Variants in TENM3 observed in about 807,000 individuals in gnomAD.
TENM3 encodes teneurin transmembrane protein 3.
A neutral mutation model predicts 255.1 loss-of-function variants in TENM3; 63 were observed. That is an observed-to-expected ratio of 0.25 (90% CI 0.20 to 0.30). TENM3 has a LOEUF of 0.30. Ranked by LOEUF, TENM3 falls within the 10% of genes least tolerant of loss-of-function variation. The pLI, the probability that TENM3 is intolerant of heterozygous loss-of-function variation, is 1.00. For synonymous variants in TENM3, 1,306 were observed against 1,322.3 expected, an observed-to-expected ratio of 0.99 and a Z score of 0.27; for missense variants, 2,929 against 3,461.1, an observed-to-expected ratio of 0.85 and a Z score of 3.86.
upstream of TENM3, among the ~76,000 whole-genome samples, chr4:182,242,262 A>C (rs1226915463): frequency 6.6e-6 from 1 of 151,530 alleles, no homozygotes; most frequent in East Asian, 1.9e-4. Flanking sequence ...CCTGTGTCCA[A>C]GTGTTCTCAT....
In TENM3 at chr4:182,613,214, AG is replaced by A. The variant is rs557976331; in HGVS notation, c.749+12054del. On this transcript the variant is annotated intron_variant, in intron 4 of 27. Transcript: ENST00000511685. Reference sequence around the variant, plus strand: ...TTTCCATTTAAATTTTAATATATTTAGTGTATAATAACTGCCAACAATAGGT... The same window carrying A: ...TTTCCATTTAAATTTTAATATATTTATGTATAATAACTGCCAACAATAGGT... 4.6e-3 allele frequency among the ~76,000 whole-genome samples: 694 copies of A among 152,332 alleles called. 2 individuals carry two copies. The highest frequency in any genetic ancestry group is 6.4e-3 in the South Asian group (31 of 4,830).
chr4:182,147,733 G>A (rs566641001), intron 1 of TENM3, among the ~76,000 whole-genome samples: 51 of 152,152 alleles, frequency 3.4e-4, no homozygotes, highest in Admixed American at 5.9e-4. Context: ...GCCACCAAAC[G>A]TTTACCGTGG....
the TENM3 span, among the ~76,000 whole-genome samples, chr4:181,457,813 C>G: frequency 1.3e-5 from 2 of 151,812 alleles, no homozygotes; most frequent in African/African-American, 4.8e-5. Context: ...ATTATATAAT[C>G]AGATGACCTG....
the TENM3 span, among the ~76,000 whole-genome samples, chr4:182,129,006 C>T: frequency 5.3e-5 from 8 of 152,054 alleles, no homozygotes; most frequent in Non-Finnish European, 7.4e-5. Context: ...AAGCAGGTCA[C>T]GAGGGAAGAA....
At chr4:181,984,681 G>A in the TENM3 span, among the ~76,000 whole-genome samples, 1 of 151,942 alleles carries the variant, frequency 6.6e-6, no homozygotes, top group Non-Finnish European at 1.5e-5. Flanking sequence ...AAATTATAGA[G>A]TAACAATATT....
At chr4:182,384,754 C>G (rs1452568253) in intron 3 of TENM3, among the ~76,000 whole-genome samples, 1 of 152,128 alleles carries the variant, frequency 6.6e-6, no homozygotes, top group Non-Finnish European at 1.5e-5. Context: ...TCTAATTACT[C>G]TTCTTTTTTT....
At chr4:181,794,036 A>G in the TENM3 span, among the ~76,000 whole-genome samples, 1 of 152,188 alleles carries the variant, frequency 6.6e-6, no homozygotes, top group Admixed American at 6.5e-5. Flanking sequence ...GTACAAAACA[A>G]GCATCAAAAA....
the TENM3 span, among the ~76,000 whole-genome samples, chr4:182,104,017 T>C: frequency 1.3e-5 from 2 of 152,222 alleles, no homozygotes; most frequent in Non-Finnish European, 2.9e-5. Flanking sequence ...GAAAGTGTCA[T>C]TGCCTCCCTT....
At chr4:181,478,899 C>A in the TENM3 span, among the ~76,000 whole-genome samples, 7 of 151,986 alleles carry the variant, frequency 4.6e-5, no homozygotes, top group Non-Finnish European at 7.4e-5. Context: ...AGAATTGAAA[C>A]GGGATTTAAT....
chr4:182,683,724 TG>T (rs1756348914), intron 11 of TENM3, among the ~76,000 whole-genome samples: 1 of 152,138 alleles, frequency 6.6e-6, no homozygotes, highest in South Asian at 2.1e-4. Flanking sequence ...ATGAGAGTAT[TG>T]TTTTTGGAAA....
chr4:181,612,333 T>C, the TENM3 span, among the ~76,000 whole-genome samples: 1 of 152,236 alleles, frequency 6.6e-6, no homozygotes, highest in African/African-American at 2.4e-5. Context: ...GTTGGGACCA[T>C]AGAGGTGTAT....
At chr4:182,482,803 A>G (rs1276475336) in intron 3 of TENM3, among the ~76,000 whole-genome samples, 1 of 152,164 alleles carries the variant, frequency 6.6e-6, no homozygotes, top group African/African-American at 2.4e-5. Context: ...CTCCCATAAG[A>G]TGCCTTCTTT....
chr4:181,961,178 C>A, the TENM3 span, among the ~76,000 whole-genome samples: 1 of 151,816 alleles, frequency 6.6e-6, no homozygotes, highest in African/African-American at 2.4e-5. Flanking sequence ...TGCTTGCTGT[C>A]AACTTGTGTC....
intron 22 of TENM3, among the ~76,000 whole-genome samples, chr4:182,772,198 C>G (rs750510157): frequency 2.0e-5 from 3 of 150,856 alleles, no homozygotes; most frequent in Non-Finnish European, 4.4e-5. Context: ...CGAAAAACCC[C>G]TATCATCTCA....
At chr4:182,772,143 A>G (rs1337371207) in intron 22 of TENM3, among the ~76,000 whole-genome samples, 5 of 152,254 alleles carry the variant, frequency 3.3e-5, no homozygotes, top group East Asian at 1.9e-4. Context: ...ATCACCTAGA[A>G]TCTTCTCCTG....
At chr4:182,172,490 C>T (rs922166398) in intron 1 of TENM3, among the ~76,000 whole-genome samples, 2 of 152,264 alleles carry the variant, frequency 1.3e-5, no homozygotes, top group African/African-American at 4.8e-5. Flanking sequence ...TGACTTCATT[C>T]GTTCCCTGGC....
At chr4:181,855,760 T>C in the TENM3 span, among the ~76,000 whole-genome samples, 1 of 151,882 alleles carries the variant, frequency 6.6e-6, no homozygotes, top group Non-Finnish European at 1.5e-5. Flanking sequence ...TATTAATAGT[T>C]GTATATCAAG....
At chr4:181,728,790 G>A in the TENM3 span, among the ~76,000 whole-genome samples, 1 of 152,114 alleles carries the variant, frequency 6.6e-6, no homozygotes, top group Non-Finnish European at 1.5e-5. Flanking sequence ...CAGCCCAGCA[G>A]GTCTCAGCTT....
chr4:181,928,806 A>T, the TENM3 span, among the ~76,000 whole-genome samples: 1 of 152,186 alleles, frequency 6.6e-6, no homozygotes, highest in Non-Finnish European at 1.5e-5. Flanking sequence ...CACAAAGGAA[A>T]GCCCATCAGA....
Sources: gnomAD v4.1 joint callset for allele counts (sites outside exome capture counted in the v4.1 genomes callset) on GRCh38, gnomAD v4.1.1 for gene constraint, MANE v1.5 for transcripts, NCBI Gene and HGNC (gene_info 2026-07-23, HGNC 2026-07-21) for gene names.